The following IFT56 variants were observed in gnomAD, a reference collection of about 807,000 sequenced individuals.
The protein encoded by IFT56 is intraflagellar transport protein 56.
the IFT56 span, among the ~76,000 whole-genome samples, chr7:139,188,156 A>C: frequency 2.8e-5 from 4 of 145,062 alleles, no homozygotes; most frequent in East Asian, 8.0e-4. Context: ...GCTGGAGTGC[A>C]ATGGTGTGAT....
the IFT56 span, among the ~76,000 whole-genome samples, chr7:139,166,292 T>C: frequency 1.3e-5 from 2 of 152,176 alleles, no homozygotes; most frequent in Non-Finnish European, 2.9e-5. Flanking sequence ...AAATATGTTT[T>C]GGACAAGAAT....
the IFT56 span, among the ~76,000 whole-genome samples, chr7:139,141,210 G>A: frequency 2.0e-5 from 3 of 149,468 alleles, no homozygotes; most frequent in Admixed American, 6.7e-5. Context: ...GCAGTGAGCC[G>A]AGATTGCGCC....
the IFT56 span, among the ~76,000 whole-genome samples, chr7:139,143,907 A>G: frequency 6.6e-6 from 1 of 152,100 alleles, no homozygotes; most frequent in Admixed American, 6.5e-5. Context: ...TTTGATATTG[A>G]TTAGTACTTT....
chr7:139,177,632 A>G, the IFT56 span, among the ~76,000 whole-genome samples: 6,862 of 127,766 alleles, frequency 0.054, 276 homozygotes, highest in African/African-American at 0.15. Flanking sequence ...GTGTGTGTGT[A>G]TATATATCTC....
the IFT56 span, among the ~76,000 whole-genome samples, chr7:139,148,998 A>G: frequency 1.3e-5 from 2 of 151,768 alleles, no homozygotes; most frequent in African/African-American, 4.8e-5. Context: ...CATCCAGTAA[A>G]CCACATTAGA....
chr7:139,156,285 G>A, the IFT56 span, among the ~76,000 whole-genome samples: 1 of 151,710 alleles, frequency 6.6e-6, no homozygotes, highest in Non-Finnish European at 1.5e-5. Context: ...TCAAGGAACC[G>A]GCTTCTGGTT....
chr7:139,175,610 G>T, the IFT56 span, among the ~76,000 whole-genome samples: 1 of 152,122 alleles, frequency 6.6e-6, no homozygotes, highest in Non-Finnish European at 1.5e-5. Context: ...GTATGGAATT[G>T]GAGGACATTA....
chr7:139,158,313 C>CAAAAAAAAAAAAAAAAAAA, the IFT56 span, among the ~76,000 whole-genome samples: 6 of 115,336 alleles, frequency 5.2e-5, no homozygotes, highest in Admixed American at 1.9e-4. Context: ...GACGCCATCT[C>CAAAAAAAAAAAAAAAAAAA]AAAAAAAAAA....
chr7:139,165,165 G>T, the IFT56 span: 1 of 1,613,678 alleles, frequency 6.2e-7, no homozygotes, highest in Non-Finnish European at 8.5e-7. Context: ...GGCTTTGCAG[G>T]TTTTACCTCC....
At chr7:139,182,988 A>C in the IFT56 span, among the ~76,000 whole-genome samples, 1 of 152,184 alleles carries the variant, frequency 6.6e-6, no homozygotes, top group Admixed American at 6.5e-5. Flanking sequence ...AAAATTTGAT[A>C]TTAAAAATAA....
chr7:139,180,397 T>A, the IFT56 span, among the ~76,000 whole-genome samples: 1 of 151,818 alleles, frequency 6.6e-6, no homozygotes, highest in Non-Finnish European at 1.5e-5. Context: ...TTGTTTCTTG[T>A]TCCTTTTTAA....
At chr7:139,178,127 C>T in the IFT56 span, 3 of 966,956 alleles carry the variant, frequency 3.1e-6, no homozygotes, top group Admixed American at 2.3e-5. Context: ...ATTTTCCTGT[C>T]TTTAAATTAT....
At chr7:139,182,475 T>C in the IFT56 span, among the ~76,000 whole-genome samples, 39 of 152,194 alleles carry the variant, frequency 2.6e-4, no homozygotes, top group Non-Finnish European at 5.3e-4. Flanking sequence ...ATTTCAGTTT[T>C]AGATGTATTA....
chr7:139,186,889 T>G, the IFT56 span, among the ~76,000 whole-genome samples: 2 of 148,948 alleles, frequency 1.3e-5, no homozygotes, highest in African/African-American at 5.1e-5. Flanking sequence ...GGTCAGGAGA[T>G]CGAGACCATC....
the IFT56 span, chr7:139,165,383 T>C: frequency 1.7e-6 from 1 of 574,450 alleles, no homozygotes. Context: ...TTGGTGGTTA[T>C]TTGTTGTGCC....
the IFT56 span, among the ~76,000 whole-genome samples, chr7:139,152,826 A>C: frequency 6.6e-6 from 1 of 152,206 alleles, no homozygotes; most frequent in South Asian, 2.1e-4. Context: ...CCATCACCAC[A>C]GTCAATCTTA....
At chr7:139,153,242 G>A in the IFT56 span, among the ~76,000 whole-genome samples, 2 of 151,900 alleles carry the variant, frequency 1.3e-5, no homozygotes, top group Non-Finnish European at 2.9e-5. Flanking sequence ...CACAAGGTCA[G>A]GAGTTAGAGA....
chr7:139,181,247 T>C, the IFT56 span: 1 of 1,385,476 alleles, frequency 7.2e-7, no homozygotes, highest in Non-Finnish European at 1.0e-6. Flanking sequence ...ATTATCACAT[T>C]GCTGCATTGG....
the IFT56 span, among the ~76,000 whole-genome samples, chr7:139,151,370 T>TA: frequency 6.6e-6 from 1 of 151,938 alleles, no homozygotes; most frequent in Non-Finnish European, 1.5e-5. Context: ...GACAGTGGTT[T>TA]AAAAAAATAA....
Sources: allele counts gnomAD v4.1 joint callset (sites outside exome capture counted in the v4.1 genomes callset), GRCh38; gene constraint gnomAD v4.1.1; transcripts MANE v1.5; gene names NCBI Gene and HGNC (gene_info 2026-07-23, HGNC 2026-07-21).